Variants in PIK3C3 observed in about 807,000 individuals in gnomAD.
PIK3C3 encodes the protein phosphatidylinositol 3-kinase catalytic subunit type 3, also known as PI3-kinase type 3.
Under a neutral mutation model 126.1 loss-of-function variants are expected in PIK3C3, and 95 were observed. That is an observed-to-expected ratio of 0.75 (90% CI 0.64 to 0.89). PIK3C3 has a LOEUF of 0.89. Ranked by LOEUF, PIK3C3 falls within the 40% of genes least tolerant of loss-of-function variation. PIK3C3 has a pLI of 0.00. For missense variants in PIK3C3, 829 were observed against 1,063.2 expected (o/e 0.78, Z 3.06); for synonymous variants, 374 against 360.0 (o/e 1.04, Z -0.44).
In PIK3C3 at chr18:42,084,574, TAAAAACAAACCAA is replaced by T. The variant is rs1986353785; in HGVS notation, c.*3443_*3455del. ...AAATCTGAATATAGTATAGAGTAGC[TAAAAACAAACCAA>T]AAAAAAAAAAAAAAAAAAAGGAAAA... On this transcript the variant is annotated 3_prime_UTR_variant, in exon 25 of 25. Transcript: ENST00000262039. 1 of 44,754 alleles carries T rather than the reference TAAAAACAAACCAA, an allele frequency of 2.2e-5. No homozygotes were observed. Among genetic ancestry groups the T allele is most frequent in the South Asian group, 6.2e-4 (1 of 1,602 alleles). The allele number at this position is 44,754 out of a possible 1,614,324, so 2.8% of individuals were successfully genotyped here. A position where few individuals can be genotyped will look rare whatever the true frequency, so the allele number is the denominator to read the frequency against.
chr18:42,018,463 A>G (rs1481150899), intron 12 of PIK3C3, among the ~76,000 whole-genome samples: 2 of 152,154 alleles, frequency 1.3e-5, no homozygotes, highest in Non-Finnish European at 2.9e-5. Context: ...TATTCTGCCT[A>G]TTAAACTCAT....
At position 42,077,920 on chromosome 18, in the gene PIK3C3, A is replaced by G. The variant is rs77063600; in HGVS notation, c.2650-3203A>G. 3.1e-3 allele frequency among the ~76,000 whole-genome samples: 469 copies of G among 152,346 alleles called. 4 individuals are homozygous for G. Among genetic ancestry groups the G allele is most frequent in the African/African-American group, 9.2e-3 (383 of 41,584 alleles). On this transcript the variant is annotated intron_variant, in intron 24 of 24. Coordinates refer to ENST00000262039, the MANE Select transcript of PIK3C3 (RefSeq NM_002647.4). ...TAGGACTTGAAAGTAGAGTAACTCC[A>G]TGATCCATGGGCTGTAGAATGGATG...
At chr18:42,029,708 A>G (rs557452903) in intron 15 of PIK3C3, among the ~76,000 whole-genome samples, 33 of 151,434 alleles carry the variant, frequency 2.2e-4, no homozygotes, top group Non-Finnish European at 4.4e-4. Flanking sequence ...ATGCCCAGCT[A>G]ATTTTTCTAT....
At chr18:42,053,014 G>C (rs1984871477) in intron 21 of PIK3C3, 1 of 152,118 alleles carries the variant, frequency 6.6e-6, no homozygotes, top group Non-Finnish European at 1.5e-5. Context: ...TTAGATTAAA[G>C]TGGTTTTGAA....
chr18:42,018,323 T>C (rs1983169308), intron 12 of PIK3C3, among the ~76,000 whole-genome samples: 1 of 152,122 alleles, frequency 6.6e-6, no homozygotes, highest in African/African-American at 2.4e-5. Flanking sequence ...CTTTTCTTTA[T>C]GTTCTGTAAG....
chr18:41,996,586 T>C (rs1982035819), intron 8 of PIK3C3, 52 bp from the exon 9 acceptor site: 1 of 780,546 alleles, frequency 1.3e-6, no homozygotes, highest in Non-Finnish European at 2.1e-6. Flanking sequence ...AATGGAAATA[T>C]ATAGGACATG....
chr18:42,039,838 A>G (rs1470267290), intron 18 of PIK3C3, among the ~76,000 whole-genome samples: 1 of 152,150 alleles, frequency 6.6e-6, no homozygotes, highest in Non-Finnish European at 1.5e-5. Context: ...ATTTTTACTT[A>G]CTTGGCAAAT....
At position 41,957,607 on chromosome 18, in the gene PIK3C3, A is replaced by G; in HGVS notation, c.106A>G (p.Lys36Glu). 3 of 1,612,144 alleles carry G rather than the reference A, an allele frequency of 1.9e-6. No individual in the cohort carries two copies. The highest frequency in any genetic ancestry group is 2.5e-6 in the Non-Finnish European group (3 of 1,179,518). ...LEGKREQKSYKAVLEDPMLKF... is the reference protein window; with the variant it reads ...LEGKREQKSYEAVLEDPMLKF... ...AGGGAAGAGAGAACAAAAGAGTTAT[A>G]AAGCTGTCCTGGAAGACCCAATGTT... The change falls in exon 2 of 25, where the codon AAA (lysine) becomes GAA (glutamate). Residue 36 changes from lysine to glutamate, a missense_variant. Transcript: ENST00000262039.
intron 4 of PIK3C3, among the ~76,000 whole-genome samples, chr18:41,972,344 C>A (rs1045842456): frequency 1.3e-5 from 2 of 152,044 alleles, no homozygotes; most frequent in Admixed American, 1.3e-4. Flanking sequence ...CAATCATTAT[C>A]CCCAGTTTAA....
At position 41,989,139 on chromosome 18, in the gene PIK3C3, G is replaced by C. The variant is rs965614666; in HGVS notation, c.618+1241G>C. 7.9e-5 allele frequency among the ~76,000 whole-genome samples: 12 copies of C among 152,052 alleles called. No individual in the cohort carries two copies. In the East Asian group the frequency reaches 2.3e-3, roughly 29 times the overall value. ...AGGTCTTGCTGTGTCACCCAGGCTG[G>C]AGTACACTGGTATGCTTAGTGCAGC... is the stretch of plus-strand genomic sequence containing the variant. On this transcript the variant is annotated intron_variant, in intron 5 of 24. Coordinates refer to ENST00000262039, the MANE Select transcript of PIK3C3 (RefSeq NM_002647.4).
At chr18:41,981,860 C>T (rs1981219707) in intron 4 of PIK3C3, among the ~76,000 whole-genome samples, 1 of 150,962 alleles carries the variant, frequency 6.6e-6, no homozygotes, top group Admixed American at 6.6e-5. Context: ...CCTGTAATCC[C>T]AGCTACTCGG....
intron 15 of PIK3C3, among the ~76,000 whole-genome samples, chr18:42,033,593 T>C (rs1246727637): frequency 6.6e-6 from 1 of 152,234 alleles, no homozygotes; most frequent in African/African-American, 2.4e-5. Context: ...ATCCTTCCTG[T>C]GAAAAGTCCA....
chr18:41,982,189 G>A (rs1487404360), intron 4 of PIK3C3, among the ~76,000 whole-genome samples: 1 of 152,124 alleles, frequency 6.6e-6, no homozygotes, highest in Non-Finnish European at 1.5e-5. Flanking sequence ...GTTAAGCTAT[G>A]GCCTTTAACC....
intron 2 of PIK3C3, among the ~76,000 whole-genome samples, chr18:41,958,508 C>T (rs987658999): frequency 1.3e-5 from 2 of 152,114 alleles, no homozygotes; most frequent in African/African-American, 4.8e-5. Context: ...AGGGTTCAAC[C>T]CTGTGTGTCC....
chr18:42,079,719 C>T (rs1986169033), intron 24 of PIK3C3, among the ~76,000 whole-genome samples: 1 of 152,204 alleles, frequency 6.6e-6, no homozygotes, highest in Non-Finnish European at 1.5e-5. Flanking sequence ...TGTACATATG[C>T]AGTTTTTCAT....
intron 21 of PIK3C3, 33 bp from the exon 22 acceptor site, chr18:42,057,850 C>T: frequency 1.2e-6 from 2 of 1,605,314 alleles, no homozygotes; most frequent in Non-Finnish European, 1.7e-6. Context: ...TAAGATAATT[C>T]TGGAAACAAA....
intron 9 of PIK3C3, among the ~76,000 whole-genome samples, chr18:41,997,458 C>T (rs536464002): frequency 1.3e-5 from 2 of 152,126 alleles, no homozygotes; most frequent in East Asian, 3.9e-4. Context: ...CTTACTGTTG[C>T]CCCTAAGAAG....
chr18:42,004,204 G>A, intron 9 of PIK3C3, 152 bp from the exon 10 acceptor site: 1 of 595,456 alleles, frequency 1.7e-6, no homozygotes, highest in Non-Finnish European at 2.9e-6. Context: ...GCTTCTATAA[G>A]ATCATATATA....
At chr18:41,984,197 G>A (rs638763) in intron 4 of PIK3C3, among the ~76,000 whole-genome samples, 72,833 of 151,498 alleles carry the variant, frequency 0.48, 18,752 homozygotes, top group African/African-American at 0.68. Context: ...TTGGAAAGAT[G>A]TAAATCACTG....
Sources: gnomAD v4.1 joint callset for allele counts (sites outside exome capture counted in the v4.1 genomes callset) on GRCh38, gnomAD v4.1.1 for gene constraint, MANE v1.5 for transcripts, NCBI Gene and HGNC (gene_info 2026-07-23, HGNC 2026-07-21) for gene names.